Variants in DLGAP2 observed in about 807,000 individuals in gnomAD.
DLGAP2 encodes the protein disks large-associated protein 2.
DLGAP2 carries 26 observed loss-of-function variants against 100.3 expected under a neutral mutation model. That is an observed-to-expected ratio of 0.26 (90% CI 0.19 to 0.36). The LOEUF is 0.36. Among genes scored for constraint, DLGAP2 ranks in the 10% least tolerant of loss-of-function variants. The pLI is 1.00. For missense variants in DLGAP2, 1,858 were observed against 1,453.2 expected, an observed-to-expected ratio of 1.28 and a Z score of -4.53; for synonymous variants, 886 against 630.1, an observed-to-expected ratio of 1.41 and a Z score of -6.08.
chr8:1,490,008 C>T (rs920548037), intron 3 of DLGAP2, among the ~76,000 whole-genome samples: 1 of 152,174 alleles, frequency 6.6e-6, no homozygotes, highest in African/African-American at 2.4e-5. Flanking sequence ...TCTCCTGCCT[C>T]AGCCTCCCGA....
intron 2 of DLGAP2, among the ~76,000 whole-genome samples, chr8:1,188,886 T>C (rs1206894100): frequency 2.6e-5 from 4 of 152,234 alleles, no homozygotes; most frequent in African/African-American, 9.6e-5. Context: ...TCCAAATATA[T>C]ATGATGCCAC....
chr8:1,277,841 G>A (rs1399090609), intron 3 of DLGAP2, among the ~76,000 whole-genome samples: 1 of 152,176 alleles, frequency 6.6e-6, no homozygotes. Flanking sequence ...ATTTGCTGGG[G>A]CAGTGACTGC....
chr8:1,318,778 G>GCCCCCCCCC (rs34614425), intron 3 of DLGAP2, among the ~76,000 whole-genome samples: 23 of 105,618 alleles, frequency 2.2e-4, no homozygotes, highest in African/African-American at 5.1e-4. Context: ...TCAGTGATCA[G>GCCCCCCCCC]CCCCCCCCCC....
chr8:1,678,599 G>C lies in DLGAP2; in HGVS notation c.2674G>C (p.Glu892Gln). 1.3e-6 allele frequency: 2 copies of C among 1,565,524 alleles called. No homozygotes were observed. Among genetic ancestry groups the C allele is most frequent in the South Asian group, 2.4e-5 (2 of 84,666 alleles). Residue 892 changes from glutamate (E) to glutamine (Q), a missense_variant, in exon 12 of 15, where the codon GAG (glutamate) becomes CAG (glutamine). Coordinates refer to ENST00000637795, the MANE Select transcript of DLGAP2 (RefSeq NM_001346810.2). Reference protein sequence around the residue: ...MEGWCKEMEREAEENDLSEEI... With the variant: ...MEGWCKEMERQAEENDLSEEI... ...AGGCTGGTGCAAAGAGATGGAGAGA[G>C]AGGCGGAGGAGAACGACCTCTCGGA...
chr8:1,502,130 G>T (rs1029309800), intron 4 of DLGAP2, among the ~76,000 whole-genome samples: 2 of 152,192 alleles, frequency 1.3e-5, no homozygotes, highest in South Asian at 2.1e-4. Context: ...AGCCCCATCA[G>T]TGGCTCTGTC....
At chr8:1,254,202 A>C (rs1295379594) in intron 2 of DLGAP2, among the ~76,000 whole-genome samples, 1 of 152,122 alleles carries the variant, frequency 6.6e-6, no homozygotes, top group Non-Finnish European at 1.5e-5. Context: ...CTTCCCTGAA[A>C]TCAGTGCCTC....
In DLGAP2 at chr8:1,551,254, C is replaced by G. The variant is rs116676280; in HGVS notation, c.1230+1571C>G. Among the ~76,000 whole-genome samples, 819 of 152,340 alleles carry G rather than the reference C, an allele frequency of 5.4e-3. 7 individuals are homozygous for G. Among genetic ancestry groups the G allele is most frequent in the African/African-American group, 0.019 (779 of 41,582 alleles). ...TATCCAAATGTAAAAGTTGTGTCTGCTTGTTTAGAGAAGCCTGGTAGAAAG... is the reference window on the plus strand; with the variant it reads ...TATCCAAATGTAAAAGTTGTGTCTGGTTGTTTAGAGAAGCCTGGTAGAAAG... On this transcript the variant is annotated intron_variant, in intron 5 of 14. Transcript: ENST00000637795.
At chr8:1,209,399 C>T (rs1798059511) in intron 2 of DLGAP2, among the ~76,000 whole-genome samples, 1 of 152,188 alleles carries the variant, frequency 6.6e-6, no homozygotes, top group Non-Finnish European at 1.5e-5. Flanking sequence ...TCCTTCCCTA[C>T]ATTTTAAATT....
intron 2 of DLGAP2, among the ~76,000 whole-genome samples, chr8:1,139,110 T>C (rs1796475734): frequency 6.6e-6 from 1 of 152,230 alleles, no homozygotes; most frequent in Non-Finnish European, 1.5e-5. Flanking sequence ...GATGACTGTT[T>C]CCTGAGCGCC....
intron 3 of DLGAP2, among the ~76,000 whole-genome samples, chr8:1,464,275 TTCC>T (rs1798550027): frequency 3.6e-5 from 4 of 112,408 alleles, no homozygotes; most frequent in African/African-American, 1.4e-4. Flanking sequence ...GACGGCACCC[TTCC>T]AGGACAACGC....
intron 2 of DLGAP2, among the ~76,000 whole-genome samples, chr8:1,233,245 C>T (rs4073841): frequency 6.6e-6 from 1 of 152,056 alleles, no homozygotes; most frequent in African/African-American, 2.4e-5. Context: ...GAATGAGAGG[C>T]TGCTGTGAAC....
chr8:1,614,599 C>G (rs1449584981), intron 6 of DLGAP2, among the ~76,000 whole-genome samples: 1 of 152,202 alleles, frequency 6.6e-6, no homozygotes, highest in African/African-American at 2.4e-5. Context: ...AGGAGACCTC[C>G]CAGGCGGAGC....
Position 1,678,448 on chromosome 8 carries a change from C to T in DLGAP2, c.2523C>T (p.Thr841=), listed in dbSNP as rs771947460. ...EDYRTQVDTS[T]LPPPDPWLEP... is the part of the protein sequence containing the mutation. Reference sequence around the variant, plus strand: ...ATCGGACCCAAGTGGACACCTCCACCCTGCCCCCTCCAGACCCCTGGCTGG... The same window carrying T: ...ATCGGACCCAAGTGGACACCTCCACTCTGCCCCCTCCAGACCCCTGGCTGG... Residue 841 remains threonine (T), a synonymous_variant, in exon 12 of 15, where the codon ACC becomes ACT. Transcript: ENST00000637795. 2 of 1,613,596 alleles carry T rather than the reference C, an allele frequency of 1.2e-6. No homozygotes were observed. The highest frequency in any genetic ancestry group is 2.2e-5 in the East Asian group (1 of 44,844).
intron 3 of DLGAP2, among the ~76,000 whole-genome samples, chr8:1,329,222 C>T (rs1484535084): frequency 6.6e-6 from 1 of 152,180 alleles, no homozygotes; most frequent in African/African-American, 2.4e-5. Flanking sequence ...GTCTTTTAGT[C>T]AGTCTTTAAA....
intron 3 of DLGAP2, among the ~76,000 whole-genome samples, chr8:1,384,301 C>T (rs187143086): frequency 1.3e-5 from 2 of 152,144 alleles, no homozygotes; most frequent in Admixed American, 6.5e-5. Context: ...GGCCTATGCC[C>T]GGCCCCTGAG....
chr8:1,527,212 C>T (rs528642626), intron 4 of DLGAP2, among the ~76,000 whole-genome samples: 61 of 152,366 alleles, frequency 4.0e-4, no homozygotes, highest in African/African-American at 1.4e-3. Flanking sequence ...CTTGTCCAGG[C>T]TTCTCACAAA....
intron 2 of DLGAP2, among the ~76,000 whole-genome samples, chr8:999,043 G>T (rs1371345918): frequency 6.6e-6 from 1 of 152,158 alleles, no homozygotes; most frequent in Non-Finnish European, 1.5e-5. Flanking sequence ...TACCAGGTTA[G>T]CTTCTTCCTC....
chr8:838,360 T>C (rs1182272673), intron 1 of DLGAP2, among the ~76,000 whole-genome samples: 1 of 152,104 alleles, frequency 6.6e-6, no homozygotes, highest in Non-Finnish European at 1.5e-5. Flanking sequence ...TATTCACTTG[T>C]TCTGGGATGT....
chr8:865,694 C>A (rs951596774), intron 1 of DLGAP2, among the ~76,000 whole-genome samples: 1 of 152,252 alleles, frequency 6.6e-6, no homozygotes, highest in African/African-American at 2.4e-5. Context: ...CTCGCCCTCA[C>A]AACGTGCTCT....
Sources: gnomAD v4.1 joint callset for allele counts (sites outside exome capture counted in the v4.1 genomes callset) on GRCh38, gnomAD v4.1.1 for gene constraint, MANE v1.5 for transcripts, NCBI Gene and HGNC (gene_info 2026-07-23, HGNC 2026-07-21) for gene names.